The following DAB1 variants were observed in gnomAD, a reference collection of about 807,000 sequenced individuals.
The protein encoded by DAB1 is disabled homolog 1.
A neutral mutation model predicts 64.6 loss-of-function variants in DAB1; 15 were observed. The ratio of observed to expected loss-of-function variants is 0.23; its 90% confidence interval spans 0.16 to 0.36. DAB1 has a LOEUF of 0.36. DAB1 is among the 10% of genes least tolerant of loss of function. The probability of loss-of-function intolerance (pLI) is 1.00; values close to 1 mark genes in which losing one functional copy is unlikely to be tolerated. For missense variants in DAB1, 596 were observed against 706.7 expected (o/e 0.84, Z 1.78); for synonymous variants, 235 against 251.9 (o/e 0.93, Z 0.64).
At chr1:57,106,258 C>A (rs1001552240) in intron 4 of DAB1, among the ~76,000 whole-genome samples, 5 of 7,734 alleles carry the variant, frequency 6.5e-4, no homozygotes, top group Non-Finnish European at 9.2e-4. Flanking sequence ...CCCCCTAACA[C>A]CCCCCCCCAT....
chr1:57,130,673 C>T (rs1469916400), intron 4 of DAB1, among the ~76,000 whole-genome samples: 1 of 140,028 alleles, frequency 7.1e-6, no homozygotes, highest in East Asian at 2.3e-4. Context: ...ACAAATATCA[C>T]ATGATCTCAC....
At chr1:57,517,972 T>G (rs1213622378) in intron 7 of DAB1, among the ~76,000 whole-genome samples, 2 of 152,196 alleles carry the variant, frequency 1.3e-5, no homozygotes, top group African/African-American at 2.4e-5. Flanking sequence ...CAGCCTCTGT[T>G]GTCACACCAC....
chr1:57,967,712 C>T (rs1458393644), intron 5 of DAB1, among the ~76,000 whole-genome samples: 1 of 150,732 alleles, frequency 6.6e-6, no homozygotes. Flanking sequence ...GTTGTGAGGA[C>T]GAAACTAGTT....
In DAB1 at chr1:58,251,555, A is replaced by G. The variant is rs144065055; in HGVS notation, n.309+91797T>C. Among the ~76,000 whole-genome samples, 456 of 152,332 alleles carry G rather than the reference A, an allele frequency of 3.0e-3. 3 individuals carry two copies. The highest frequency in any genetic ancestry group is 0.01 in the African/African-American group (425 of 41,576). ...ATAAGGAACCAGTCATTAGAAATAG[A>G]GGGAACAAGAGCCAAGGCCCTGAAG... On this transcript the variant is annotated intron_variant and non_coding_transcript_variant, in intron 4 of 20. Transcript: ENST00000485760.
intron 5 of DAB1, among the ~76,000 whole-genome samples, chr1:57,978,749 G>A (rs547394996): frequency 2.0e-5 from 3 of 152,218 alleles, no homozygotes; most frequent in African/African-American, 7.2e-5. Flanking sequence ...ATCAAAAAAT[G>A]GGCAAAGGAT....
chr1:57,400,791 A>G (rs1055247539), intron 1 of DAB1, among the ~76,000 whole-genome samples: 14 of 152,044 alleles, frequency 9.2e-5, no homozygotes, highest in African/African-American at 3.4e-4. Context: ...CACAAGTCAT[A>G]CAAAGAGCAA....
intron 5 of DAB1, among the ~76,000 whole-genome samples, chr1:58,013,842 T>C (rs1646702594): frequency 6.6e-6 from 1 of 152,042 alleles, no homozygotes; most frequent in Non-Finnish European, 1.5e-5. Flanking sequence ...AACAGGCAAA[T>C]GGGCAAATCA....
chr1:57,305,837 C>A (rs1018147183), intron 1 of DAB1, among the ~76,000 whole-genome samples: 1 of 151,664 alleles, frequency 6.6e-6, no homozygotes, highest in African/African-American at 2.4e-5. Context: ...GGCGCGGTTA[C>A]GGGTGCCTGT....
chr1:57,684,793 G>A (rs1047783580), intron 6 of DAB1, among the ~76,000 whole-genome samples: 1 of 152,092 alleles, frequency 6.6e-6, no homozygotes, highest in African/African-American at 2.4e-5. Flanking sequence ...ATGTAAATGG[G>A]CTAAATTCCC....
chr1:57,743,825 TTTA>T (rs1412524787), intron 6 of DAB1, among the ~76,000 whole-genome samples: 1 of 152,246 alleles, frequency 6.6e-6, no homozygotes. Context: ...TGCCCACATA[TTTA>T]TTAACAGCAA....
At chr1:57,934,204 G>A (rs1381164975) in intron 5 of DAB1, among the ~76,000 whole-genome samples, 3 of 152,052 alleles carry the variant, frequency 2.0e-5, no homozygotes, top group African/African-American at 4.8e-5. Context: ...GATTACAGGC[G>A]TGAGCCACTG....
intron 6 of DAB1, among the ~76,000 whole-genome samples, chr1:57,718,608 T>C (rs1276370675): frequency 6.6e-6 from 1 of 152,218 alleles, no homozygotes; most frequent in Non-Finnish European, 1.5e-5. Flanking sequence ...TTCACTTGAT[T>C]ATCTTGTATC....
At chr1:57,571,064 AC>A (rs1018665688) in intron 7 of DAB1, among the ~76,000 whole-genome samples, 3 of 152,184 alleles carry the variant, frequency 2.0e-5, no homozygotes, top group African/African-American at 7.2e-5. Flanking sequence ...TTATCCTGAA[AC>A]ATTGCTGAAT....
At chr1:58,092,360 C>T (rs1461421994) in intron 5 of DAB1, among the ~76,000 whole-genome samples, 1 of 151,718 alleles carries the variant, frequency 6.6e-6, no homozygotes, top group African/African-American at 2.4e-5. Context: ...TTTAATGCCA[C>T]TTTCAAGGTA....
In DAB1 at chr1:58,308,056, T is replaced by C. The variant is rs115015705; in HGVS notation, n.309+35296A>G. Among the ~76,000 whole-genome samples, 549 of 152,230 alleles carry C rather than the reference T, an allele frequency of 3.6e-3. 3 individuals are homozygous for C. Among genetic ancestry groups the C allele is most frequent in the African/African-American group, 0.012 (517 of 41,552 alleles). The stretch of plus-strand genomic sequence containing the variant: ...AAGGAGACTCTAGAAAAATTCAGCT[T>C]ATTCTGCAGTGCAAATTCTGTTCAC... On this transcript the variant is annotated intron_variant and non_coding_transcript_variant, in intron 4 of 20. Coordinates refer to the DAB1 transcript ENST00000485760.
At chr1:58,442,572 C>A (rs1413130461) in intron 3 of DAB1, among the ~76,000 whole-genome samples, 1 of 152,120 alleles carries the variant, frequency 6.6e-6, no homozygotes, top group African/African-American at 2.4e-5. Context: ...TCCAAAAAGA[C>A]TTTTTTTGAG....
chr1:58,145,613 G>A lies in DAB1; in HGVS notation n.387+4898C>T, dbSNP rs201268607. Among the ~76,000 whole-genome samples the A allele has an allele frequency of 9.8e-5, 15 of 152,308 alleles. No individual in the cohort carries two copies. In the East Asian group the frequency reaches 2.9e-3, roughly 29 times the overall value. ...TCCAGTCCAAATTCCTCATTTTACA[G>A]ATGGGGAAGTTGAGGCCCATAGAGG... On this transcript the variant is annotated intron_variant and non_coding_transcript_variant, in intron 5 of 20. Coordinates refer to the DAB1 transcript ENST00000485760.
At chr1:58,180,351 G>A (rs1432594677) in intron 4 of DAB1, among the ~76,000 whole-genome samples, 2 of 121,830 alleles carry the variant, frequency 1.6e-5, no homozygotes, top group African/African-American at 6.3e-5. Context: ...GGAGTGCAGT[G>A]GTGTAATAAC....
chr1:57,589,869 C>T (rs1407069290), intron 7 of DAB1, among the ~76,000 whole-genome samples: 2 of 152,160 alleles, frequency 1.3e-5, no homozygotes, highest in African/African-American at 2.4e-5. Context: ...TAACAATACA[C>T]TTTTTATTTT....
Sources: gnomAD v4.1 joint callset for allele counts (sites outside exome capture counted in the v4.1 genomes callset) on GRCh38, gnomAD v4.1.1 for gene constraint, MANE v1.5 for transcripts, NCBI Gene and HGNC (gene_info 2026-07-23, HGNC 2026-07-21) for gene names.